RBL1: variants seen among roughly 807,000 people sequenced by gnomAD.
RBL1 encodes the protein retinoblastoma-like protein 1.
Under a neutral mutation model 123.0 loss-of-function variants are expected in RBL1, and 82 were observed. That is an observed-to-expected ratio of 0.67 (90% CI 0.56 to 0.80). The LOEUF (loss-of-function observed/expected upper bound fraction) is 0.80. RBL1 is among the 30% of genes least tolerant of loss of function. The pLI is 0.00. For missense variants in RBL1, 1,171 were observed against 1,299.6 expected, an observed-to-expected ratio of 0.90 and a Z score of 1.52; for synonymous variants, 405 against 441.3, an observed-to-expected ratio of 0.92 and a Z score of 1.03.
intron 9 of RBL1, among the ~76,000 whole-genome samples, chr20:37,059,847 C>T (rs1017431954): frequency 1.3e-5 from 2 of 148,668 alleles, no homozygotes; most frequent in Admixed American, 1.3e-4. Flanking sequence ...AATCATGCTT[C>T]CTTAAAAAAC....
At chr20:37,025,883 CAGGTG>C (rs2064412218) in intron 16 of RBL1, among the ~76,000 whole-genome samples, 2 of 152,100 alleles carry the variant, frequency 1.3e-5, no homozygotes, top group South Asian at 4.2e-4. Flanking sequence ...GCTAGGACTA[CAGGTG>C]CCTGCTACCA....
At position 37,040,159 on chromosome 20, in the gene RBL1, G is replaced by C; in HGVS notation, c.1897C>G (p.Arg633Gly). Residue 633 changes from arginine (R) to glycine (G), a missense_variant, in exon 14 of 22, where the codon CGA becomes GGA. Arg to Gly is a moderately radical substitution (Grantham distance 125, BLOSUM62 -2). Coordinates refer to ENST00000373664, the MANE Select transcript of RBL1 (RefSeq NM_002895.5). ...TTACCAATGTTGAACCTACCTCTTC[G>C]AAGACTCCCACTGTCAGTTCGAACT... Reference protein sequence around the residue: ...KEVRTDSGSLRRDMQPLSPIS... With the variant: ...KEVRTDSGSLGRDMQPLSPIS... 1.2e-6 allele frequency: 2 copies of C among 1,612,518 alleles called. No individual in the cohort carries two copies. Among genetic ancestry groups the C allele is most frequent in the East Asian group, 2.2e-5 (1 of 44,780 alleles).
intron 2 of RBL1, among the ~76,000 whole-genome samples, chr20:37,075,611 A>G (rs563100095): frequency 2.0e-5 from 3 of 152,132 alleles, no homozygotes; most frequent in African/African-American, 7.2e-5. Flanking sequence ...ACATGCCACC[A>G]CACCTGACTA....
At chr20:37,049,336 C>T in intron 11 of RBL1, 1 of 674,990 alleles carries the variant, frequency 1.5e-6, no homozygotes, top group South Asian at 1.7e-5. Context: ...AATGTAAAGA[C>T]CAAGATCCAG....
intron 16 of RBL1, among the ~76,000 whole-genome samples, chr20:37,024,001 T>G (rs564540518): frequency 1.3e-5 from 2 of 151,728 alleles, no homozygotes; most frequent in African/African-American, 4.8e-5. Context: ...CCTAGGGTGG[T>G]CTCGAACTCC....
At chr20:37,031,769 C>T (rs967530869) in intron 16 of RBL1, among the ~76,000 whole-genome samples, 1 of 152,054 alleles carries the variant, frequency 6.6e-6, no homozygotes, top group African/African-American at 2.4e-5. Context: ...GACAGGGCCT[C>T]GTTCTGTTGC....
intron 2 of RBL1, among the ~76,000 whole-genome samples, chr20:37,075,145 G>A (rs1476903202): frequency 6.6e-6 from 1 of 152,184 alleles, no homozygotes; most frequent in African/African-American, 2.4e-5. Flanking sequence ...TATATGAAAT[G>A]TCCAGAATAG....
chr20:37,086,404 T>C (rs1165449068), intron 2 of RBL1, among the ~76,000 whole-genome samples: 1 of 152,028 alleles, frequency 6.6e-6, no homozygotes, highest in African/African-American at 2.4e-5. Context: ...CTGGCCAACA[T>C]GGTGAAACCC....
intron 2 of RBL1, among the ~76,000 whole-genome samples, chr20:37,082,773 G>T (rs575594718): frequency 8.5e-4 from 129 of 152,186 alleles, no homozygotes; most frequent in African/African-American, 2.9e-3. Context: ...AAGATGGGTG[G>T]ATCACTTGAG....
chr20:37,023,983 C>T (rs2064384090), intron 16 of RBL1, among the ~76,000 whole-genome samples: 1 of 151,274 alleles, frequency 6.6e-6, no homozygotes, highest in Non-Finnish European at 1.5e-5. Context: ...TGGGGTTTCA[C>T]CATGTTGCCT....
rs1382651063 is a variant in RBL1 at position 37,000,720 on chromosome 20, C to T, written c.3037-1791G>A. On this transcript the variant is annotated intron_variant, in intron 21 of 21. Coordinates refer to ENST00000373664, the MANE Select transcript of RBL1 (RefSeq NM_002895.5). ...CCAGCCGCCCCGTCCGGGAGGGAGG[C>T]GGGGAGGTCAGCCCCCCGCCCGGCC... Among the ~76,000 whole-genome samples the T allele has an allele frequency of 5.5e-4, 40 of 72,260 alleles. No individual in the cohort carries two copies. In the East Asian group the frequency reaches 0.016, roughly 29 times the overall value. The allele number at this position is 72,260 out of a possible 152,430, so 47.4% of individuals were successfully genotyped here.
At chr20:37,049,777 A>G (rs928552286) in intron 11 of RBL1, 22 of 508,146 alleles carry the variant, frequency 4.3e-5, no homozygotes, top group African/African-American at 3.9e-4. Context: ...AGAGAGAGAA[A>G]AAAGGCCAGA....
At chr20:37,085,132 CTTTTT>C (rs1212338574) in intron 2 of RBL1, among the ~76,000 whole-genome samples, 3 of 132,980 alleles carry the variant, frequency 2.3e-5, no homozygotes, top group Admixed American at 7.7e-5. Flanking sequence ...CTTTTCTTTT[CTTTTT>C]TTTTTTTTTT....
chr20:37,001,918 T>TAAAAAAAAAAAAAAAAAAAAAAAAAAAA (rs757774894), intron 21 of RBL1, among the ~76,000 whole-genome samples: 4 of 86,542 alleles, frequency 4.6e-5, no homozygotes, highest in African/African-American at 8.8e-5. Flanking sequence ...TGCAGAACAA[T>TAAAAAAAAAAAAAAAAAAAAAAAAAAAA]AAAAAAAAAA....
intron 21 of RBL1, among the ~76,000 whole-genome samples, chr20:37,000,050 C>T (rs1568806540): frequency 1.3e-5 from 2 of 151,360 alleles, no homozygotes; most frequent in Admixed American, 6.6e-5. Flanking sequence ...AAGTGAGGAG[C>T]GTCTCTGCCA....
intron 2 of RBL1, among the ~76,000 whole-genome samples, chr20:37,087,903 C>T (rs1204629716): frequency 3.3e-5 from 5 of 152,188 alleles, no homozygotes; most frequent in African/African-American, 1.2e-4. Flanking sequence ...AAGAAATACA[C>T]AGTGAAGTAT....
At chr20:36,999,991 C>T (rs1014248643) in intron 21 of RBL1, among the ~76,000 whole-genome samples, 13 of 150,994 alleles carry the variant, frequency 8.6e-5, no homozygotes, top group Non-Finnish European at 3.0e-5. Flanking sequence ...CCTGGCTGCC[C>T]AGTCTGGAAA....
At chr20:37,070,579 T>C (rs2065268701) in intron 2 of RBL1, among the ~76,000 whole-genome samples, 1 of 152,092 alleles carries the variant, frequency 6.6e-6, no homozygotes, top group East Asian at 1.9e-4. Flanking sequence ...GGGAATTTGA[T>C]TACAAAGCAC....
At chr20:37,005,887 TTTC>T (rs1454766294) in intron 20 of RBL1, among the ~76,000 whole-genome samples, 6 of 124,054 alleles carry the variant, frequency 4.8e-5, no homozygotes, top group African/African-American at 1.5e-4. Flanking sequence ...CTTTTTTTTT[TTTC>T]TTTCTTTTTT....
Sources: gnomAD v4.1 joint callset for allele counts (sites outside exome capture counted in the v4.1 genomes callset) on GRCh38, gnomAD v4.1.1 for gene constraint, MANE v1.5 for transcripts, NCBI Gene and HGNC (gene_info 2026-07-23, HGNC 2026-07-21) for gene names.